Variants in MSI2 observed in about 807,000 individuals in gnomAD.
The protein encoded by MSI2 is RNA-binding protein Musashi homolog 2.
Under a neutral mutation model 45.6 loss-of-function variants are expected in MSI2, and 17 were observed. That is an observed-to-expected ratio of 0.37 (90% CI 0.26 to 0.56). MSI2 has a LOEUF of 0.56. Ranked by LOEUF, MSI2 falls within the 20% of genes least tolerant of loss-of-function variation. MSI2 has a pLI of 0.77. For synonymous variants in MSI2, 156 were observed against 158.2 expected (o/e 0.99, Z 0.11); for missense variants, 293 against 444.2 (o/e 0.66, Z 3.06).
chr17:57,593,359 C>T (rs1359496072), intron 7 of MSI2, among the ~76,000 whole-genome samples: 6 of 152,168 alleles, frequency 3.9e-5, no homozygotes, highest in African/African-American at 4.8e-5. Flanking sequence ...TGGAAGCCAG[C>T]GCTGCACTCC....
intron 5 of MSI2, among the ~76,000 whole-genome samples, chr17:57,355,148 C>G (rs1916322495): frequency 6.6e-6 from 1 of 152,200 alleles, no homozygotes; most frequent in Non-Finnish European, 1.5e-5. Context: ...ATGGCTCTCT[C>G]TGTCCCTCAT....
At chr17:57,533,288 T>TC (rs2086858430) in intron 7 of MSI2, among the ~76,000 whole-genome samples, 2 of 152,162 alleles carry the variant, frequency 1.3e-5, no homozygotes, top group Non-Finnish European at 1.5e-5. Flanking sequence ...GCAATGTATG[T>TC]CTTCCACCCT....
intron 4 of MSI2, among the ~76,000 whole-genome samples, chr17:57,260,559 A>G (rs1567722569): frequency 6.6e-6 from 1 of 152,182 alleles, no homozygotes; most frequent in South Asian, 2.1e-4. Flanking sequence ...ACGTACGTCA[A>G]CAGAATGGAA....
chr17:57,436,318 AG>A (rs1347119517), intron 6 of MSI2, among the ~76,000 whole-genome samples: 1 of 152,240 alleles, frequency 6.6e-6, no homozygotes, highest in Non-Finnish European at 1.5e-5. Flanking sequence ...AAAGGGGCTT[AG>A]TAGAGCCTGT....
chr17:57,292,088 C>T (rs913156173), intron 5 of MSI2, among the ~76,000 whole-genome samples: 6 of 151,764 alleles, frequency 4.0e-5, no homozygotes, highest in East Asian at 3.9e-4. Flanking sequence ...AATGCAGGAT[C>T]GTAGAGGAGG....
rs1483550830 is a variant in MSI2, at chr17:57,407,336, A to G, written c.405+5865A>G. 3.9e-5 allele frequency among the ~76,000 whole-genome samples: 6 copies of G among 152,008 alleles called. No individual in the cohort carries two copies. The highest frequency in any genetic ancestry group is 1.5e-4 in the African/African-American group (6 of 41,348). On this transcript the variant is annotated intron_variant, in intron 6 of 13. Coordinates refer to ENST00000284073, the MANE Select transcript of MSI2 (RefSeq NM_138962.4). This position sits in a 1 kb window ranked among gnomAD's most constrained non-coding sequence, Gnocchi z 4.1. ...CCCCCACTCAGACACCCCTTTTGAT[A>G]CTGTATGTGTGAGGAGAGTCATACC...
intron 6 of MSI2, among the ~76,000 whole-genome samples, chr17:57,473,083 G>A (rs2085471197): frequency 6.6e-6 from 1 of 152,168 alleles, no homozygotes; most frequent in Admixed American, 6.5e-5. Flanking sequence ...AGTAGAGACG[G>A]GGTTTCACCA....
At chr17:57,637,863 C>T (rs554017253) in intron 10 of MSI2, among the ~76,000 whole-genome samples, 1 of 152,340 alleles carries the variant, frequency 6.6e-6, no homozygotes, top group East Asian at 1.9e-4. Context: ...ACACCTCGTC[C>T]TCTGTGGACT....
At chr17:57,327,883 G>C (rs1046313653) in intron 5 of MSI2, among the ~76,000 whole-genome samples, 5 of 152,128 alleles carry the variant, frequency 3.3e-5, no homozygotes, top group African/African-American at 1.2e-4. Flanking sequence ...CCCATTGTCA[G>C]GCAGGCCCGT....
At chr17:57,304,010 G>C (rs1017343611) in intron 5 of MSI2, among the ~76,000 whole-genome samples, 7 of 152,116 alleles carry the variant, frequency 4.6e-5, no homozygotes, top group African/African-American at 1.7e-4. Flanking sequence ...GGAGCAGGGA[G>C]GGAGAGCTTT....
intron 6 of MSI2, among the ~76,000 whole-genome samples, chr17:57,416,257 A>C (rs2084292323): frequency 6.6e-6 from 1 of 152,224 alleles, no homozygotes; most frequent in African/African-American, 2.4e-5. Context: ...GCAATGAGAA[A>C]TCAGTTCAAA....
chr17:57,326,170 A>G (rs986831413), intron 5 of MSI2, among the ~76,000 whole-genome samples: 3 of 152,032 alleles, frequency 2.0e-5, no homozygotes, highest in East Asian at 3.9e-4. Context: ...ACCCTTAGCT[A>G]CAATTCTCAT....
the MSI2 span, among the ~76,000 whole-genome samples, chr17:57,696,301 T>C: frequency 2.6e-5 from 4 of 152,054 alleles, no homozygotes; most frequent in Non-Finnish European, 4.4e-5. Context: ...GAAGGCTGAG[T>C]GTGGAGCTGA....
At chr17:57,633,369 G>A (rs934559446) in intron 10 of MSI2, among the ~76,000 whole-genome samples, 3 of 152,228 alleles carry the variant, frequency 2.0e-5, no homozygotes, top group African/African-American at 4.8e-5. Context: ...TGCTTGAGGT[G>A]GTCTGTCCTT....
At chr17:57,275,081 T>C (rs756694935) in intron 5 of MSI2, among the ~76,000 whole-genome samples, 8 of 152,168 alleles carry the variant, frequency 5.3e-5, no homozygotes, top group Non-Finnish European at 1.5e-5. Flanking sequence ...TGAAGTTAGT[T>C]GATAAGTCCT....
At chr17:57,527,900 G>A (rs535218336) in intron 6 of MSI2, among the ~76,000 whole-genome samples, 36 of 152,284 alleles carry the variant, frequency 2.4e-4, no homozygotes, top group African/African-American at 6.3e-4. Flanking sequence ...TTTGCCCAGC[G>A]TCTTCCCCTC....
At chr17:57,462,574 A>G (rs1598297931) in intron 6 of MSI2, among the ~76,000 whole-genome samples, 1 of 152,230 alleles carries the variant, frequency 6.6e-6, no homozygotes, top group African/African-American at 2.4e-5. Flanking sequence ...GAAAAAGGGT[A>G]TATCTATGTG....
At chr17:57,480,340 G>T (rs1333899875) in intron 6 of MSI2, among the ~76,000 whole-genome samples, 2 of 152,050 alleles carry the variant, frequency 1.3e-5, no homozygotes, top group Non-Finnish European at 2.9e-5. Flanking sequence ...AATTAATGTT[G>T]GCATGTTAGA....
chr17:57,469,382 A>G (rs1305059085), intron 6 of MSI2, among the ~76,000 whole-genome samples: 1 of 152,222 alleles, frequency 6.6e-6, no homozygotes, highest in Non-Finnish European at 1.5e-5. Flanking sequence ...CAGTTGGGCT[A>G]TTATTTCTGT....
Sources: allele counts gnomAD v4.1 joint callset (sites outside exome capture counted in the v4.1 genomes callset), GRCh38; gene constraint gnomAD v4.1.1; non-coding constraint Gnocchi (gnomAD v3.1); transcripts MANE v1.5; gene names NCBI Gene and HGNC (gene_info 2026-07-23, HGNC 2026-07-21).